Variants in DOCK1 observed in about 807,000 individuals in gnomAD.
DOCK1 encodes dedicator of cytokinesis 1, also known as dedicator of cytokinesis protein 1.
DOCK1 carries 138 observed loss-of-function variants against 262.7 expected under a neutral mutation model. That is an observed-to-expected ratio of 0.53 (90% CI 0.46 to 0.61). The LOEUF is 0.61. Ranked by LOEUF, DOCK1 falls within the 20% of genes least tolerant of loss-of-function variation. DOCK1 has a pLI of 0.00. For synonymous variants in DOCK1, 866 were observed against 867.4 expected (o/e 1.00, Z 0.03); for missense variants, 1,908 against 2,370.7 (o/e 0.80, Z 4.05).
chr10:126,916,345 T>A (rs530415425), intron 1 of DOCK1, among the ~76,000 whole-genome samples: 4 of 152,238 alleles, frequency 2.6e-5, no homozygotes, highest in African/African-American at 9.6e-5. Context: ...TTCTGGTGAT[T>A]GTTTTAAATT....
chr10:127,087,950 T>A (rs1410903254), intron 23 of DOCK1, among the ~76,000 whole-genome samples: 1 of 152,202 alleles, frequency 6.6e-6, no homozygotes, highest in Non-Finnish European at 1.5e-5. Flanking sequence ...CTGATGATCG[T>A]CTCAATTCAT....
At chr10:127,180,232 A>C (rs2055596837) in intron 27 of DOCK1, among the ~76,000 whole-genome samples, 1 of 152,214 alleles carries the variant, frequency 6.6e-6, no homozygotes, top group Non-Finnish European at 1.5e-5. Context: ...TAGTTCCGGT[A>C]ACACAGTGGG....
chr10:126,987,033 C>A (rs1377170624), intron 4 of DOCK1, among the ~76,000 whole-genome samples: 1 of 152,156 alleles, frequency 6.6e-6, no homozygotes, highest in African/African-American at 2.4e-5. Context: ...GAAGCTGTAA[C>A]CTCTCTCATA....
intron 21 of DOCK1, among the ~76,000 whole-genome samples, chr10:127,044,628 A>G (rs1357872709): frequency 6.6e-6 from 1 of 152,048 alleles, no homozygotes; most frequent in Non-Finnish European, 1.5e-5. Context: ...TCATTTTCAA[A>G]ATTCTGCCTT....
At chr10:127,281,912 C>T (rs1218305311) in intron 29 of DOCK1, among the ~76,000 whole-genome samples, 1 of 152,114 alleles carries the variant, frequency 6.6e-6, no homozygotes, top group Admixed American at 6.6e-5. Flanking sequence ...GATGTTGCAT[C>T]AGTACTGGGA....
intron 1 of DOCK1, among the ~76,000 whole-genome samples, chr10:126,967,024 A>G (rs1192831747): frequency 1.3e-5 from 2 of 152,180 alleles, no homozygotes; most frequent in Admixed American, 6.5e-5. Flanking sequence ...CATTCAGCCC[A>G]CCACCCAGAG....
At chr10:127,434,907 C>G (rs1380815402) in intron 48 of DOCK1, among the ~76,000 whole-genome samples, 1 of 152,180 alleles carries the variant, frequency 6.6e-6, no homozygotes, top group Non-Finnish European at 1.5e-5. Context: ...CCGCCTCGGC[C>G]TCCCAAAATG....
chr10:127,378,524 G>A (rs1410696773), intron 35 of DOCK1, among the ~76,000 whole-genome samples: 1 of 152,150 alleles, frequency 6.6e-6, no homozygotes, highest in Non-Finnish European at 1.5e-5. Flanking sequence ...GGAGATGAGT[G>A]TACTTCGGTT....
At chr10:127,076,850 G>A (rs1271035663) in intron 23 of DOCK1, among the ~76,000 whole-genome samples, 4 of 152,138 alleles carry the variant, frequency 2.6e-5, no homozygotes, top group South Asian at 2.1e-4. Flanking sequence ...CCATGTTGGG[G>A]GCCCCTGCTT....
Position 127,381,387 on chromosome 10 carries a change from C to T in DOCK1, c.3807+19C>T, listed in dbSNP as rs746733991. On this transcript the variant is annotated intron_variant, in intron 37 of 51. Coordinates refer to ENST00000623213, the MANE Select transcript of DOCK1 (RefSeq NM_001290223.2). ...TCTTAAGGTAATGTCAATTACCAGT[C>T]ACCTTGATGATTCTATTGTTATAAA... 2.5e-6 allele frequency: 4 copies of T among 1,588,482 alleles called. No individual in the cohort carries two copies. Among genetic ancestry groups the T allele is most frequent in the Non-Finnish European group, 2.6e-6 (3 of 1,162,360 alleles).
At chr10:127,157,889 A>T (rs1016049644) in intron 27 of DOCK1, among the ~76,000 whole-genome samples, 1 of 152,238 alleles carries the variant, frequency 6.6e-6, no homozygotes, top group African/African-American at 2.4e-5. Context: ...TGACCTTGTC[A>T]TGTGGTTAAT....
intron 16 of DOCK1, among the ~76,000 whole-genome samples, chr10:127,031,116 G>A (rs1340751571): frequency 6.6e-6 from 1 of 152,220 alleles, no homozygotes; most frequent in East Asian, 1.9e-4. Flanking sequence ...ATATTGCAAG[G>A]CAGGAATTGA....
At chr10:127,030,151 C>T (rs562578542) in intron 16 of DOCK1, among the ~76,000 whole-genome samples, 5 of 152,184 alleles carry the variant, frequency 3.3e-5, no homozygotes, top group African/African-American at 7.2e-5. Flanking sequence ...TATTTTGAGC[C>T]GTGGACTCAA....
chr10:127,060,903 G>C (rs1380155471), intron 22 of DOCK1, among the ~76,000 whole-genome samples: 1 of 152,194 alleles, frequency 6.6e-6, no homozygotes, highest in Non-Finnish European at 1.5e-5. Context: ...GGAGTGTGTT[G>C]TTGATTTTCA....
At chr10:127,041,235 T>C (rs1334831327) in intron 19 of DOCK1, among the ~76,000 whole-genome samples, 1 of 152,150 alleles carries the variant, frequency 6.6e-6, no homozygotes, top group African/African-American at 2.4e-5. Flanking sequence ...GTAGCTGGGA[T>C]TACAAGCGTG....
intron 1 of DOCK1, among the ~76,000 whole-genome samples, chr10:126,949,223 T>C (rs1382822264): frequency 6.6e-6 from 1 of 151,928 alleles, no homozygotes; most frequent in African/African-American, 2.4e-5. Flanking sequence ...GGACATGGGG[T>C]TAACACACCC....
intron 1 of DOCK1, among the ~76,000 whole-genome samples, chr10:126,948,887 A>T (rs912547766): frequency 3.9e-5 from 6 of 152,120 alleles, no homozygotes; most frequent in Admixed American, 6.5e-5. Context: ...GGCCCAGGGT[A>T]GTACTGGGGT....
At chr10:127,392,612 A>C (rs7916819) in intron 38 of DOCK1, among the ~76,000 whole-genome samples, 1 of 151,648 alleles carries the variant, frequency 6.6e-6, no homozygotes, top group Non-Finnish European at 1.5e-5. Context: ...AACAGCACAC[A>C]ATCAAGAAGG....
chr10:127,390,684 G>A (rs891236970), intron 38 of DOCK1, among the ~76,000 whole-genome samples: 1 of 152,146 alleles, frequency 6.6e-6, no homozygotes, highest in Non-Finnish European at 1.5e-5. Flanking sequence ...GAACAGTGAG[G>A]AAGTGAATGA....
Sources: gnomAD v4.1 joint callset for allele counts (sites outside exome capture counted in the v4.1 genomes callset) on GRCh38, gnomAD v4.1.1 for gene constraint, MANE v1.5 for transcripts, NCBI Gene and HGNC (gene_info 2026-07-23, HGNC 2026-07-21) for gene names.